Variants in UGGT2 observed in about 807,000 individuals in gnomAD.
UGGT2 encodes the protein UDP-glucose:glycoprotein glucosyltransferase 2.
UGGT2 carries 180 observed loss-of-function variants against 192.1 expected under a neutral mutation model. That is an observed-to-expected ratio of 0.94 (90% CI 0.83 to 1.06). UGGT2 has a LOEUF of 1.06. UGGT2 is among the 50% of genes least tolerant of loss of function. The pLI is 0.00. For synonymous variants in UGGT2, 580 were observed against 591.0 expected (o/e 0.98, Z 0.27); for missense variants, 1,849 against 1,795.7 (o/e 1.03, Z -0.54).
At position 96,053,044 on chromosome 13, in the gene UGGT2, G is replaced by A. The variant is rs1004311175; in HGVS notation, c.158+111C>T. On this transcript the variant is annotated intron_variant, in intron 1 of 38. Transcript: ENST00000376747. The stretch of plus-strand genomic sequence containing the variant: ...TGATGCTCAGGGCCAGAGCGGGGGC[G>A]TCTGGAGAACCCGGGTGGGAGCCAG... The A allele has an allele frequency of 1.3e-5, 18 of 1,348,672 alleles. No individual in the cohort carries two copies. The East Asian group carries it at 4.5e-4, about 34-fold the overall frequency. The allele number at this position is 1,348,672 out of a possible 1,614,324, so 83.5% of individuals were successfully genotyped here. A position where few individuals can be genotyped will look rare whatever the true frequency, so the allele number is the denominator to read the frequency against.
intron 1 of UGGT2, among the ~76,000 whole-genome samples, chr13:96,037,927 A>T (rs2053053130): frequency 6.6e-6 from 1 of 152,248 alleles, no homozygotes; most frequent in Non-Finnish European, 1.5e-5. Flanking sequence ...TTGGCCTGCT[A>T]TTCTCACATA....
chr13:95,931,554 G>C (rs1439033551), intron 17 of UGGT2, among the ~76,000 whole-genome samples: 2 of 151,628 alleles, frequency 1.3e-5, no homozygotes, highest in Non-Finnish European at 1.5e-5. Flanking sequence ...GTGGGGTGGG[G>C]TGGGGGTGGG....
At chr13:95,936,774 A>C in intron 17 of UGGT2, 150 bp downstream of exon 17, 9 of 776,832 alleles carry the variant, frequency 1.2e-5, no homozygotes, top group Non-Finnish European at 1.7e-5. Flanking sequence ...GGCGTGGCTT[A>C]AGCTGCTAAA....
At chr13:95,825,004 T>A (rs1042420511) in intron 38 of UGGT2, among the ~76,000 whole-genome samples, 1 of 152,162 alleles carries the variant, frequency 6.6e-6, no homozygotes, top group African/African-American at 2.4e-5. Context: ...TTAATTTGGT[T>A]ATTTGTGCTT....
chr13:95,837,699 A>T (rs1887457723), intron 36 of UGGT2, among the ~76,000 whole-genome samples: 1 of 152,200 alleles, frequency 6.6e-6, no homozygotes, highest in Admixed American at 6.5e-5. Flanking sequence ...TTTGACTGGC[A>T]AACTAGCCTA....
At chr13:95,862,803 C>G (rs1198794253) in intron 31 of UGGT2, among the ~76,000 whole-genome samples, 1 of 152,132 alleles carries the variant, frequency 6.6e-6, no homozygotes, top group Non-Finnish European at 1.5e-5. Context: ...ACCACATCAC[C>G]CAGTGGCCAA....
In UGGT2 at chr13:95,996,043, T is replaced by G; in HGVS notation, c.830+20A>C. The G allele has an allele frequency of 1.9e-6, 3 of 1,606,000 alleles. No homozygotes were observed. The highest frequency in any genetic ancestry group is 1.7e-6 in the Non-Finnish European group (2 of 1,173,440). On this transcript the variant is annotated intron_variant, in intron 7 of 38. Transcript: ENST00000376747. ...ACCAATGGGTATAATAATACCAATT[T>G]CATTTCCATTCAGACTTACTTTAGT...
chr13:95,972,771 T>C lies in UGGT2; in HGVS notation c.1093-100A>G, dbSNP rs554043951. ...TCTATAAAGAGTCAGAGAGTAAATA[T>C]TTTAGGTTTGGCAGGCCATACAGTC... is the stretch of plus-strand genomic sequence containing the variant. On this transcript the variant is annotated intron_variant, in intron 10 of 38. Transcript: ENST00000376747. 2.6e-4 allele frequency: 236 copies of C among 903,432 alleles called. 4 individuals are homozygous for C. The South Asian group carries it at 3.9e-3, about 15-fold the overall frequency. 56.0% of individuals were successfully genotyped at this position (903,432 alleles called of 1,614,324 possible).
intron 4 of UGGT2, among the ~76,000 whole-genome samples, chr13:96,019,889 C>G (rs1457210250): frequency 6.6e-6 from 1 of 152,186 alleles, no homozygotes; most frequent in Non-Finnish European, 1.5e-5. Context: ...GAAATGGTAG[C>G]AGAGGCAGCC....
intron 36 of UGGT2, among the ~76,000 whole-genome samples, chr13:95,839,704 C>A (rs1887662761): frequency 6.6e-6 from 1 of 152,114 alleles, no homozygotes; most frequent in Non-Finnish European, 1.5e-5. Flanking sequence ...ATTTTCATGA[C>A]CTGTCAAACT....
intron 1 of UGGT2, among the ~76,000 whole-genome samples, chr13:96,042,609 T>TAAA (rs573441281): frequency 7.7e-6 from 1 of 130,556 alleles, no homozygotes; most frequent in Non-Finnish European, 1.7e-5. Flanking sequence ...TTTAAGGAAA[T>TAAA]AAAAAAAAAA....
intron 20 of UGGT2, among the ~76,000 whole-genome samples, chr13:95,914,313 A>G (rs2048606350): frequency 6.6e-6 from 1 of 152,138 alleles, no homozygotes; most frequent in South Asian, 2.1e-4. Flanking sequence ...CAACTACTGT[A>G]AAGTTTCTTA....
At chr13:96,016,605 T>C (rs1370424551) in intron 4 of UGGT2, among the ~76,000 whole-genome samples, 4 of 152,176 alleles carry the variant, frequency 2.6e-5, no homozygotes, top group African/African-American at 4.8e-5. Flanking sequence ...TGAAGGAGGC[T>C]TGGAGGCCTC....
intron 4 of UGGT2, among the ~76,000 whole-genome samples, chr13:96,020,571 G>C (rs1046180308): frequency 6.6e-6 from 1 of 152,160 alleles, no homozygotes; most frequent in Non-Finnish European, 1.5e-5. Context: ...CATTAAATCA[G>C]TCAAGTTTGA....
rs59757283 is a variant in UGGT2, at chr13:95,924,393, C to CTTTTTTTTTTTTTTTT, written c.2295+1271_2295+1286dup. Among the ~76,000 whole-genome samples, 244 of 63,358 alleles carry CTTTTTTTTTTTTTTTT rather than the reference C, an allele frequency of 3.9e-3. 16 individuals are homozygous for CTTTTTTTTTTTTTTTT. Among genetic ancestry groups the CTTTTTTTTTTTTTTTT allele is most frequent in the East Asian group, 8.8e-3 (16 of 1,820 alleles). The allele number at this position is 63,358 out of a possible 152,430, so 41.6% of individuals were successfully genotyped here. On this transcript the variant is annotated intron_variant, in intron 20 of 38. Coordinates refer to ENST00000376747, the MANE Select transcript of UGGT2 (RefSeq NM_020121.4). ...AATAGATGTAATAGATCCCAAACAGCTTTTTTTTTTTTTTTTTTTTTTTTT... is the reference window on the plus strand; with the variant it reads ...AATAGATGTAATAGATCCCAAACAGCTTTTTTTTTTTTTTTTTTTTTTTTTTTTTTTTTTTTTTTTT...
chr13:95,962,076 T>C (rs940927631), intron 12 of UGGT2, among the ~76,000 whole-genome samples: 3 of 152,094 alleles, frequency 2.0e-5, no homozygotes, highest in South Asian at 2.1e-4. Flanking sequence ...CTGTGGGATA[T>C]AGCAAAAGCA....
At chr13:95,813,084 C>T (rs1884658037) in intron 38 of UGGT2, among the ~76,000 whole-genome samples, 1 of 152,040 alleles carries the variant, frequency 6.6e-6, no homozygotes. Context: ...TATGGCAGTG[C>T]AAGAATGGCC....
intron 10 of UGGT2, among the ~76,000 whole-genome samples, chr13:95,980,099 C>G (rs142746897): frequency 0.016 from 2,382 of 152,202 alleles, 25 homozygotes; most frequent in Middle Eastern, 0.041. Context: ...TTCGTAAAAG[C>G]AGATCTACCA....
chr13:95,941,477 T>C (rs2140540777), intron 15 of UGGT2, among the ~76,000 whole-genome samples: 1 of 152,268 alleles, frequency 6.6e-6, no homozygotes, highest in East Asian at 1.9e-4. Context: ...TAGAACATAA[T>C]GTGATCATAA....
Sources: gnomAD v4.1 joint callset for allele counts (sites outside exome capture counted in the v4.1 genomes callset) on GRCh38, gnomAD v4.1.1 for gene constraint, MANE v1.5 for transcripts, NCBI Gene and HGNC (gene_info 2026-07-23, HGNC 2026-07-21) for gene names.